Variants in IQCM observed in about 807,000 individuals in gnomAD.
The protein encoded by IQCM is IQ domain-containing protein M.
In IQCM, 45 loss-of-function variants were observed where a neutral mutation model predicts 57.6. The ratio of observed to expected loss-of-function variants is 0.78; its 90% CI spans 0.62 to 1.00. IQCM has a LOEUF of 1.00. Ranked by LOEUF, IQCM falls within the 50% of genes least tolerant of loss-of-function variation. The pLI, the probability that IQCM is intolerant of heterozygous loss-of-function variation, is 0.00. For synonymous variants in IQCM, 148 were observed against 158.9 expected, an observed-to-expected ratio of 0.93 and a Z score of 0.51; for missense variants, 468 against 511.6, an observed-to-expected ratio of 0.91 and a Z score of 0.82.
intron 5 of IQCM, among the ~76,000 whole-genome samples, chr4:149,708,980 C>T (rs1276336469): frequency 6.6e-6 from 1 of 152,028 alleles, no homozygotes; most frequent in Non-Finnish European, 1.5e-5. Context: ...TGACTCATTG[C>T]AAAATCAGAA....
At chr4:149,441,412 A>T (rs573337561) in intron 12 of IQCM, among the ~76,000 whole-genome samples, 1 of 152,142 alleles carries the variant, frequency 6.6e-6, no homozygotes, top group African/African-American at 2.4e-5. Context: ...AAATAAAAAG[A>T]AAAAGGGTTA....
At chr4:149,430,120 T>C in intron 13 of IQCM, 1 of 735,972 alleles carries the variant, frequency 1.4e-6, no homozygotes, top group Non-Finnish European at 1.9e-6. Context: ...ATAATTTTCC[T>C]TCTTTTTTGT....
intron 12 of IQCM, among the ~76,000 whole-genome samples, chr4:149,452,802 T>G (rs1737267315): frequency 6.6e-6 from 1 of 151,500 alleles, no homozygotes; most frequent in African/African-American, 2.4e-5. Flanking sequence ...AACTAGGGCT[T>G]AATAAAGTGG....
At chr4:149,732,512 CT>C (rs1375666912) in intron 5 of IQCM, among the ~76,000 whole-genome samples, 3 of 152,118 alleles carry the variant, frequency 2.0e-5, no homozygotes, top group African/African-American at 7.2e-5. Flanking sequence ...TGTGTTTATC[CT>C]CACCATTACT....
intron 7 of IQCM, among the ~76,000 whole-genome samples, chr4:149,659,740 C>T (rs2150151193): frequency 6.6e-6 from 1 of 152,206 alleles, no homozygotes; most frequent in East Asian, 1.9e-4. Context: ...AAAGGATTCC[C>T]TATTTAATAA....
At chr4:149,368,888 ATG>A (rs1208432354) in intron 13 of IQCM, among the ~76,000 whole-genome samples, 58 of 60,632 alleles carry the variant, frequency 9.6e-4, no homozygotes, top group East Asian at 2.0e-3. Flanking sequence ...GTGTATATAT[ATG>A]TATATATATA....
chr4:149,394,013 T>C (rs1263683767), intron 13 of IQCM, among the ~76,000 whole-genome samples: 8 of 151,988 alleles, frequency 5.3e-5, no homozygotes, highest in Admixed American at 5.3e-4. Flanking sequence ...GTTTCCAAAT[T>C]AAGAGGCAGG....
intron 13 of IQCM, among the ~76,000 whole-genome samples, chr4:149,377,956 C>T (rs939005400): frequency 3.3e-5 from 5 of 152,076 alleles, no homozygotes; most frequent in South Asian, 4.1e-4. Context: ...ATAATTCCCT[C>T]GTGTTGTGGG....
intron 8 of IQCM, among the ~76,000 whole-genome samples, chr4:149,619,077 A>G (rs1194804407): frequency 1.4e-5 from 2 of 146,324 alleles, no homozygotes; most frequent in Non-Finnish European, 3.0e-5. Context: ...AATGTCCATC[A>G]ATAGATGACT....
chr4:149,719,911 GA>G lies in IQCM; in HGVS notation c.385+13332del, dbSNP rs546770600. Among the ~76,000 whole-genome samples, 42 of 152,298 alleles carry G rather than the reference GA, an allele frequency of 2.8e-4. No individual in the cohort carries two copies. In the South Asian group the frequency reaches 8.5e-3, roughly 31 times the overall value. On this transcript the variant is annotated intron_variant, in intron 5 of 13. Transcript: ENST00000636793. Reference sequence around the variant, plus strand: ...TCTTGTTACCAGTTCTAAGGTTAAAGAATACCGAGAAGCCAAAACCAACACA... The same window carrying G: ...TCTTGTTACCAGTTCTAAGGTTAAAGATACCGAGAAGCCAAAACCAACACA...
chr4:149,569,048 A>G (rs773758084), intron 9 of IQCM, among the ~76,000 whole-genome samples: 1 of 152,190 alleles, frequency 6.6e-6, no homozygotes, highest in Admixed American at 6.5e-5. Flanking sequence ...TCATTCTTTC[A>G]GAACCCTACA....
chr4:149,611,685 G>A (rs757747984), intron 8 of IQCM, among the ~76,000 whole-genome samples: 41 of 152,072 alleles, frequency 2.7e-4, no homozygotes, highest in Non-Finnish European at 4.7e-4. Flanking sequence ...AGTCTGGGAA[G>A]AGTAATGGGG....
chr4:149,441,948 C>T (rs2111336205), intron 12 of IQCM, among the ~76,000 whole-genome samples: 1 of 152,206 alleles, frequency 6.6e-6, no homozygotes, highest in Middle Eastern at 3.4e-3. Flanking sequence ...CTACCTTCCA[C>T]CATGTAATCA....
At chr4:149,744,692 A>G (rs901828236) in intron 2 of IQCM, among the ~76,000 whole-genome samples, 2 of 152,084 alleles carry the variant, frequency 1.3e-5, no homozygotes, top group African/African-American at 2.4e-5. Flanking sequence ...GACACAAAAT[A>G]TCAGCAAATG....
chr4:149,447,939 T>C (rs1736693106), intron 12 of IQCM, among the ~76,000 whole-genome samples: 1 of 151,580 alleles, frequency 6.6e-6, no homozygotes. Flanking sequence ...AACAATGAGA[T>C]TTCAATATTC....
At chr4:149,422,421 G>A (rs550424565) in intron 13 of IQCM, among the ~76,000 whole-genome samples, 6 of 151,874 alleles carry the variant, frequency 4.0e-5, no homozygotes, top group African/African-American at 1.2e-4. Flanking sequence ...TAGGGGGAGC[G>A]GGCAGTATTT....
chr4:149,594,081 C>T (rs536924246), intron 8 of IQCM, among the ~76,000 whole-genome samples: 14 of 152,100 alleles, frequency 9.2e-5, no homozygotes, highest in South Asian at 2.1e-4. Context: ...TGAATCCATC[C>T]GGTCCCGGAC....
chr4:149,391,213 G>A (rs1419799491), intron 13 of IQCM, among the ~76,000 whole-genome samples: 2 of 151,718 alleles, frequency 1.3e-5, no homozygotes, highest in Admixed American at 1.3e-4. Flanking sequence ...ATTGTTGGGG[G>A]GTCAGTTTCA....
chr4:149,486,016 A>ACTCTCT (rs1741443957), intron 12 of IQCM, among the ~76,000 whole-genome samples: 1 of 109,552 alleles, frequency 9.1e-6, no homozygotes. Flanking sequence ...AAGCAAACAG[A>ACTCTCT]GTCTCTCTCT....
Sources: allele counts gnomAD v4.1 joint callset (sites outside exome capture counted in the v4.1 genomes callset), GRCh38; gene constraint gnomAD v4.1.1; transcripts MANE v1.5; gene names NCBI Gene and HGNC (gene_info 2026-07-23, HGNC 2026-07-21).